FAM81B: variants seen among roughly 807,000 people sequenced by gnomAD.
The protein encoded by FAM81B is family with sequence similarity 81 member B.
A neutral mutation model predicts 58.7 loss-of-function variants in FAM81B; 60 were observed. That is an observed-to-expected ratio of 1.02 (90% CI 0.83 to 1.27). The LOEUF (loss-of-function observed/expected upper bound fraction) is 1.27. Ranked by LOEUF, FAM81B falls within the 50% of genes most tolerant of loss-of-function variation. FAM81B has a pLI of 0.00. For missense variants in FAM81B, 491 were observed against 522.0 expected (o/e 0.94, Z 0.58); for synonymous variants, 189 against 179.6 (o/e 1.05, Z -0.42).
rs1334131473 is a variant in FAM81B, at chr5:95,448,619, G to A, written c.1225+155G>A. 5 of 691,680 alleles carry A rather than the reference G, an allele frequency of 7.2e-6. No homozygotes were observed. The East Asian group carries it at 1.2e-4, about 16-fold the overall frequency. The allele number at this position is 691,680 out of a possible 1,614,324, so 42.8% of individuals were successfully genotyped here. A position where few individuals can be genotyped will look rare whatever the true frequency, so the allele number is the denominator to read the frequency against. ...TTTCTAAATATCCTATAGAATATGA[G>A]TATTATACTGGAAGGCATATAAATA... On this transcript the variant is annotated intron_variant, in intron 9 of 9. Transcript: ENST00000283357.
chr5:95,443,082 T>A (rs1745427069), intron 7 of FAM81B, among the ~76,000 whole-genome samples: 2 of 152,188 alleles, frequency 1.3e-5, no homozygotes, highest in South Asian at 4.1e-4. Flanking sequence ...AGATTTTTTT[T>A]AACACAAGAC....
chr5:95,433,159 C>T (rs1278703945), intron 6 of FAM81B, among the ~76,000 whole-genome samples: 1 of 152,156 alleles, frequency 6.6e-6, no homozygotes, highest in Non-Finnish European at 1.5e-5. Context: ...CTAATAAAGA[C>T]ATACCCAAGA....
intron 6 of FAM81B, among the ~76,000 whole-genome samples, chr5:95,432,353 C>T (rs1251183060): frequency 1.3e-5 from 2 of 151,916 alleles, no homozygotes; most frequent in South Asian, 2.1e-4. Context: ...TCTCTGCCAT[C>T]GTTTTCAGAT....
chr5:95,407,978 C>T (rs1440410181), intron 3 of FAM81B, among the ~76,000 whole-genome samples: 1 of 151,934 alleles, frequency 6.6e-6, no homozygotes, highest in Admixed American at 6.6e-5. Flanking sequence ...TGGTCGACAC[C>T]CCAGACTCTT....
chr5:95,409,213 T>C (rs253718), intron 3 of FAM81B, among the ~76,000 whole-genome samples: 117,313 of 151,462 alleles, frequency 0.77, 45,577 homozygotes, highest in South Asian at 0.84. Flanking sequence ...GGCTGGAGTG[T>C]GGTACCTCAA....
At position 95,415,066 on chromosome 5, in the gene FAM81B, AGGC is replaced by A. The variant is rs1163829037; in HGVS notation, c.537+877_537+879del. ...TGAATGAATAAATTAATTAATTTTA[AGGC>A]ATTAGAGTAAAAATAGAGTTTCTCA... On this transcript the variant is annotated intron_variant, in intron 4 of 9. Transcript: ENST00000283357. Among the ~76,000 whole-genome samples, 72 of 152,344 alleles carry A rather than the reference AGGC, an allele frequency of 4.7e-4. 1 individual carries two copies. Among genetic ancestry groups the A allele is most frequent in the African/African-American group, 1.7e-3 (71 of 41,588 alleles).
At chr5:95,392,257 A>C (rs998613139) in intron 1 of FAM81B, among the ~76,000 whole-genome samples, 2 of 152,224 alleles carry the variant, frequency 1.3e-5, no homozygotes, top group Non-Finnish European at 2.9e-5. Flanking sequence ...ACAGGAACGG[A>C]AAACCAAACA....
intron 3 of FAM81B, among the ~76,000 whole-genome samples, chr5:95,398,418 CTAAATAAA>C (rs5869676): frequency 0.017 from 2,425 of 142,416 alleles, 74 homozygotes; most frequent in African/African-American, 0.058. Context: ...AACTCAATCT[CTAAATAAA>C]TAAATAAATA....
At chr5:95,441,493 C>T (rs144016828) in intron 7 of FAM81B, among the ~76,000 whole-genome samples, 6,965 of 151,888 alleles carry the variant, frequency 0.046, 207 homozygotes, top group East Asian at 0.11. Flanking sequence ...GGCTTGAACC[C>T]GGGAGGTGGA....
At chr5:95,429,834 A>G (rs1204790386) in intron 6 of FAM81B, among the ~76,000 whole-genome samples, 2 of 152,186 alleles carry the variant, frequency 1.3e-5, no homozygotes, top group African/African-American at 4.8e-5. Context: ...GCTATTGGTT[A>G]GAAATATTTT....
At chr5:95,432,076 T>C (rs530858029) in intron 6 of FAM81B, among the ~76,000 whole-genome samples, 3 of 152,108 alleles carry the variant, frequency 2.0e-5, no homozygotes, top group African/African-American at 7.2e-5. Context: ...CCATTAAGCA[T>C]GTTTAGTAGC....
At position 95,448,293 on chromosome 5, in the gene FAM81B, G is replaced by GA; in HGVS notation, c.1059dup (p.Leu354ThrfsTer13). ...GGAAAAGTCTGAAAATAAAATGGAA[G>GA]AAAAACTGCTGCAGCTTTCAAGCAA... is the stretch of plus-strand genomic sequence containing the variant. On this transcript the variant is annotated frameshift_variant, in exon 9 of 10. Transcript: ENST00000283357. LOFTEE classifies it high-confidence loss of function. The GA allele has an allele frequency of 1.2e-6, 2 of 1,601,732 alleles. No homozygotes were observed. Among genetic ancestry groups the GA allele is most frequent in the Non-Finnish European group, 1.7e-6 (2 of 1,176,538 alleles).
intron 5 of FAM81B, among the ~76,000 whole-genome samples, chr5:95,426,094 G>GTGTA (rs1491455240): frequency 3.7e-4 from 44 of 120,176 alleles, no homozygotes; most frequent in East Asian, 1.1e-3. Context: ...ATCTCTGTGT[G>GTGTA]TATATATATA....
intron 9 of FAM81B, chr5:95,448,749 T>C (rs1016655095): frequency 1.7e-5 from 8 of 476,570 alleles, no homozygotes; most frequent in Non-Finnish European, 2.9e-5. Context: ...ATTCATGGAA[T>C]TGTCAGACTT....
chr5:95,423,130 C>A (rs1157417001), intron 5 of FAM81B, among the ~76,000 whole-genome samples: 1 of 148,794 alleles, frequency 6.7e-6, no homozygotes, highest in African/African-American at 2.5e-5. Flanking sequence ...TTCCAATGAG[C>A]ATTTTGGCAT....
intron 4 of FAM81B, among the ~76,000 whole-genome samples, chr5:95,418,545 TATA>T (rs1762595989): frequency 6.6e-6 from 1 of 152,234 alleles, no homozygotes; most frequent in East Asian, 1.9e-4. Flanking sequence ...TGTACGATAT[TATA>T]GTACATTGTT....
chr5:95,424,950 C>G (rs975542054), intron 5 of FAM81B, among the ~76,000 whole-genome samples: 1 of 152,022 alleles, frequency 6.6e-6, no homozygotes, highest in Admixed American at 6.6e-5. Flanking sequence ...AGTCAAGATA[C>G]TATGAAGATT....
chr5:95,404,248 C>G (rs1420154288), intron 3 of FAM81B, among the ~76,000 whole-genome samples: 1 of 152,082 alleles, frequency 6.6e-6, no homozygotes, highest in Non-Finnish European at 1.5e-5. Context: ...TACATCCAAT[C>G]CAGGGTAGCA....
At chr5:95,407,410 GCACA>G (rs914714226) in intron 3 of FAM81B, among the ~76,000 whole-genome samples, 1 of 122,606 alleles carries the variant, frequency 8.2e-6, no homozygotes, top group Non-Finnish European at 1.7e-5. Context: ...ACACACACAC[GCACA>G]CACACACGCG....
Sources: allele counts gnomAD v4.1 joint callset (sites outside exome capture counted in the v4.1 genomes callset), GRCh38; gene constraint gnomAD v4.1.1; transcripts MANE v1.5; gene names NCBI Gene and HGNC (gene_info 2026-07-23, HGNC 2026-07-21).